The following EIF3J variants were observed in gnomAD, a reference collection of about 807,000 sequenced individuals.
EIF3J encodes eukaryotic translation initiation factor 3, subunit 1 (alpha, 35kD).
In EIF3J, 15 loss-of-function variants were observed where a neutral mutation model predicts 39.0. That is an observed-to-expected ratio of 0.38 (90% CI 0.26 to 0.59). The LOEUF is 0.59. EIF3J is among the 20% of genes least tolerant of loss of function. EIF3J has a pLI of 0.60. For missense variants in EIF3J, 226 were observed against 308.6 expected (o/e 0.73, Z 2.00); for synonymous variants, 98 against 112.9 (o/e 0.87, Z 0.84).
At chr15:44,538,068 A>C (rs1052258400) in intron 2 of EIF3J, among the ~76,000 whole-genome samples, 10 of 152,112 alleles carry the variant, frequency 6.6e-5, no homozygotes, top group African/African-American at 2.2e-4. Context: ...TCACACCGTG[A>C]CCTGAGAAAT....
At chr15:44,538,477 C>A (rs1370820855) in intron 2 of EIF3J, among the ~76,000 whole-genome samples, 6 of 152,026 alleles carry the variant, frequency 3.9e-5, no homozygotes, top group Non-Finnish European at 8.8e-5. Context: ...AAACGGAGAA[C>A]CCTATAAATC....
At position 44,551,424 on chromosome 15, in the gene EIF3J, CTT is replaced by C; in HGVS notation, c.203-4_203-3del. On this transcript the variant is annotated splice_polypyrimidine_tract_variant and splice_region_variant and intron_variant, in intron 3 of 7. Transcript: ENST00000261868. The stretch of plus-strand genomic sequence containing the variant: ...TATAACTGAATAAAACTTTTTTTTA[CTT>C]TTAGAGGTAAAAATTTCAGAAAAGA... 6.4e-7 allele frequency: 1 copy of C among 1,550,624 alleles called. No homozygotes were observed. The highest frequency in any genetic ancestry group is 1.2e-5 in the South Asian group (1 of 83,752).
chr15:44,551,031 T>A (rs1333136187), intron 3 of EIF3J, 101 bp downstream of exon 3: 5 of 1,477,008 alleles, frequency 3.4e-6, no homozygotes, highest in Non-Finnish European at 4.5e-6. Context: ...TGGAACATTT[T>A]GGTATTTAGA....
At chr15:44,539,900 A>C (rs2081996297) in intron 2 of EIF3J, among the ~76,000 whole-genome samples, 1 of 149,822 alleles carries the variant, frequency 6.7e-6, no homozygotes, top group Non-Finnish European at 1.5e-5. Flanking sequence ...AGCTGGGATT[A>C]CAGGTGTGCA....
At chr15:44,553,184 TCAAAA>T (rs1372911188) in intron 4 of EIF3J, among the ~76,000 whole-genome samples, 2 of 142,118 alleles carry the variant, frequency 1.4e-5, no homozygotes, top group Non-Finnish European at 3.0e-5. Flanking sequence ...AGATCCTGCC[TCAAAA>T]CAAAAAAAAA....
At chr15:44,553,047 G>A (rs7163287) in intron 4 of EIF3J, among the ~76,000 whole-genome samples, 13,139 of 151,832 alleles carry the variant, frequency 0.087, 1,464 homozygotes, top group African/African-American at 0.24. Flanking sequence ...TAAGCTGGGC[G>A]TGGTGGTACA....
rs975164472 is a variant in EIF3J, at chr15:44,558,319, C to A, written c.571+669C>A. The stretch of plus-strand genomic sequence containing the variant: ...CTGCCTCCTGGGTTAAAGCAATTCT[C>A]CTGGTCTGGCGCAGTGGCTCATGCC... On this transcript the variant is annotated intron_variant, in intron 6 of 7. Transcript: ENST00000261868. 2.0e-5 allele frequency among the ~76,000 whole-genome samples: 3 copies of A among 152,102 alleles called. No individual in the cohort carries two copies. The East Asian group carries it at 5.8e-4, about 29-fold the overall frequency.
At chr15:44,543,704 G>A (rs1207878001) in intron 2 of EIF3J, among the ~76,000 whole-genome samples, 3 of 152,068 alleles carry the variant, frequency 2.0e-5, no homozygotes, top group Non-Finnish European at 4.4e-5. Flanking sequence ...GAGTCACCAC[G>A]CCTGGCCAGA....
intron 6 of EIF3J, among the ~76,000 whole-genome samples, chr15:44,559,612 C>T (rs1567120772): frequency 6.6e-6 from 1 of 150,852 alleles, no homozygotes. Context: ...GAGGCTGAGG[C>T]AGGAAAATGG....
At chr15:44,557,724 TTTTTTATTTTCAAGGATACTA>T in intron 6 of EIF3J, 74 bp downstream of exon 6, 1 of 1,185,320 alleles carries the variant, frequency 8.4e-7, no homozygotes, top group Non-Finnish European at 1.1e-6. Context: ...TTGAAGGTTA[TTTTTTATTTTCAAGGATACTA>T]TAATACAGAC....
chr15:44,552,385 C>T (rs780842139), intron 4 of EIF3J, among the ~76,000 whole-genome samples: 5 of 151,822 alleles, frequency 3.3e-5, no homozygotes, highest in Non-Finnish European at 5.9e-5. Context: ...GTTGGAATTA[C>T]AGGCACACGC....
chr15:44,541,191 A>T (rs1015608187), intron 2 of EIF3J, among the ~76,000 whole-genome samples: 1 of 152,206 alleles, frequency 6.6e-6, no homozygotes, highest in African/African-American at 2.4e-5. Context: ...CTTGGCATAT[A>T]TGACTCCTTC....
Position 44,561,443 on chromosome 15 carries a change from CA to C in EIF3J, c.*298del. The C allele has an allele frequency of 4.2e-6, 1 of 240,208 alleles. No individual in the cohort carries two copies. Among genetic ancestry groups the C allele is most frequent in the Non-Finnish European group, 8.3e-6 (1 of 120,808 alleles). 14.9% of individuals were successfully genotyped at this position (240,208 alleles called of 1,614,324 possible). On this transcript the variant is annotated 3_prime_UTR_variant, in exon 8 of 8. Coordinates refer to ENST00000261868, the MANE Select transcript of EIF3J (RefSeq NM_003758.4). The stretch of plus-strand genomic sequence containing the variant: ...ATAGCAGCAGTCACTAAATTGGAAA[CA>C]AAAGGTTGCAACGTGACAAAAAAAA...
chr15:44,558,222 G>GT (rs1315299569), intron 6 of EIF3J, among the ~76,000 whole-genome samples: 1 of 152,134 alleles, frequency 6.6e-6, no homozygotes, highest in African/African-American at 2.4e-5. Context: ...AGTATTTGCA[G>GT]TTTTTTTGTT....
chr15:44,547,234 C>G (rs1305541965), intron 2 of EIF3J, among the ~76,000 whole-genome samples: 1 of 152,124 alleles, frequency 6.6e-6, no homozygotes, highest in African/African-American at 2.4e-5. Context: ...GCCTCTGTCT[C>G]CTGGGTTCAA....
intron 2 of EIF3J, among the ~76,000 whole-genome samples, chr15:44,545,854 C>A (rs1200100456): frequency 1.3e-5 from 2 of 152,104 alleles, no homozygotes; most frequent in East Asian, 1.9e-4. Context: ...AGAGCAGGTC[C>A]CTTAGTTTTT....
Position 44,554,580 on chromosome 15 carries a change from C to G in EIF3J, c.322C>G (p.Leu108Val). The part of the protein sequence containing the change: ...RLEEPEEPKV[L>V]TPEEQLADKL... Reference sequence around the variant, plus strand: ...AGAAGAACCCGAAGAACCTAAAGTGCTAACACCAGAAGAACAATTAGCAGA... The same window carrying G: ...AGAAGAACCCGAAGAACCTAAAGTGGTAACACCAGAAGAACAATTAGCAGA... The change falls in exon 5 of 8, where the codon CTA becomes GTA. Residue 108 changes from leucine to valine, a missense_variant. Coordinates refer to ENST00000261868, the MANE Select transcript of EIF3J (RefSeq NM_003758.4). 6.2e-7 allele frequency: 1 copy of G among 1,611,692 alleles called. No homozygotes were observed. Among genetic ancestry groups the G allele is most frequent in the Non-Finnish European group, 8.5e-7 (1 of 1,179,214 alleles).
At chr15:44,555,045 G>A (rs1241580916) in intron 5 of EIF3J, among the ~76,000 whole-genome samples, 1 of 152,196 alleles carries the variant, frequency 6.6e-6, no homozygotes, top group Non-Finnish European at 1.5e-5. Flanking sequence ...GTAGGATGTT[G>A]CTCCAGGTGA....
At chr15:44,553,452 A>G (rs1369845098) in intron 4 of EIF3J, among the ~76,000 whole-genome samples, 1 of 151,924 alleles carries the variant, frequency 6.6e-6, no homozygotes, top group African/African-American at 2.4e-5. Context: ...AGATCGCACC[A>G]CTGCACTCCA....
Sources: allele counts gnomAD v4.1 joint callset (sites outside exome capture counted in the v4.1 genomes callset), GRCh38; gene constraint gnomAD v4.1.1; transcripts MANE v1.5; gene names NCBI Gene and HGNC (gene_info 2026-07-23, HGNC 2026-07-21).